The following SCN2A variants were observed in gnomAD, a reference collection of about 807,000 sequenced individuals.
SCN2A encodes the protein sodium channel protein type 2 subunit alpha.
A neutral mutation model predicts 188.7 loss-of-function variants in SCN2A; 20 were observed. The observed-to-expected ratio is 0.11, with a 90% CI of 0.07 to 0.15. SCN2A has a LOEUF of 0.15. Among genes scored for constraint, SCN2A ranks in the 10% least tolerant of loss-of-function variants. SCN2A has a pLI of 1.00. For synonymous variants in SCN2A, 804 were observed against 833.1 expected (o/e 0.97, Z 0.60); for missense variants, 1,278 against 2,445.0 (o/e 0.52, Z 10.07).
chr2:165,296,742 T>A, intron 2 of SCN2A: 1 of 225,104 alleles, frequency 4.4e-6, no homozygotes, highest in Non-Finnish European at 8.7e-6. Context: ...AATGCGGTTT[T>A]AAAATACTTA....
intron 11 of SCN2A, chr2:165,320,273 C>T (rs1425517643): frequency 6.6e-6 from 1 of 152,292 alleles, no homozygotes; most frequent in Non-Finnish European, 1.5e-5. Context: ...TTCCCTTGGT[C>T]TTCAGCAGCT....
At chr2:165,301,743 T>A (rs768417218) in intron 3 of SCN2A, among the ~76,000 whole-genome samples, 1 of 152,182 alleles carries the variant, frequency 6.6e-6, no homozygotes, top group African/African-American at 2.4e-5. Flanking sequence ...CCTTAAGGAA[T>A]TGCACAAAGA....
intron 8 of SCN2A, among the ~76,000 whole-genome samples, chr2:165,313,016 A>G (rs1415193905): frequency 1.3e-5 from 2 of 152,026 alleles, no homozygotes; most frequent in East Asian, 1.9e-4. Context: ...ATCTTCTTCA[A>G]TGTTTGCAAA....
chr2:165,346,615 T>C (rs1699601480), intron 16 of SCN2A, among the ~76,000 whole-genome samples: 1 of 152,140 alleles, frequency 6.6e-6, no homozygotes, highest in Admixed American at 6.5e-5. Flanking sequence ...TGGGATCTAA[T>C]TAAACTAAAG....
At chr2:165,293,362 T>G (rs1696318444) in intron 1 of SCN2A, among the ~76,000 whole-genome samples, 1 of 152,186 alleles carries the variant, frequency 6.6e-6, no homozygotes, top group East Asian at 1.9e-4. Flanking sequence ...TTAGGTGATT[T>G]TTGTCATTGT....
chr2:165,339,063 T>G (rs150115287), intron 14 of SCN2A, among the ~76,000 whole-genome samples: 1 of 151,672 alleles, frequency 6.6e-6, no homozygotes, highest in Non-Finnish European at 1.5e-5. Flanking sequence ...GTACTAAAAA[T>G]AGAAAAAATT....
At chr2:165,329,754 T>G (rs1434713371) in intron 13 of SCN2A, among the ~76,000 whole-genome samples, 1 of 152,166 alleles carries the variant, frequency 6.6e-6, no homozygotes, top group Non-Finnish European at 1.5e-5. Context: ...TAATACCTCC[T>G]TTTTACCTTC....
chr2:165,315,377 A>T (rs1377106775), intron 10 of SCN2A, 94 bp from the exon 11 acceptor site: 3 of 1,568,098 alleles, frequency 1.9e-6, no homozygotes, highest in Non-Finnish European at 2.6e-6. Context: ...GTTTTTCAAG[A>T]TTATCTTCAT....
rs574025723 is a variant in SCN2A at position 165,249,857 on chromosome 2, A to C, written c.-52+10217A>C. 2.5e-4 allele frequency among the ~76,000 whole-genome samples: 38 copies of C among 152,186 alleles called. No homozygotes were observed. The South Asian group carries it at 6.8e-3, about 27-fold the overall frequency. On this transcript the variant is annotated intron_variant, in intron 1 of 26. Coordinates refer to ENST00000375437, the MANE Select transcript of SCN2A (RefSeq NM_001040142.2). ...TGATAAAATTGATCACTTTCCACAT[A>C]ATCATATACTGAAAAAAAATTCCAC...
At chr2:165,285,702 T>C in intron 1 of SCN2A, 1 of 227,072 alleles carries the variant, frequency 4.4e-6, no homozygotes, top group South Asian at 8.3e-5. Context: ...ACCTCTCAGC[T>C]CTAGCAATCC....
chr2:165,330,065 G>A lies in SCN2A; in HGVS notation c.2150-1265G>A, dbSNP rs530997098. Among the ~76,000 whole-genome samples, 3 of 152,316 alleles carry A rather than the reference G, an allele frequency of 2.0e-5. No individual in the cohort carries two copies. In the East Asian group the frequency reaches 5.8e-4, roughly 29 times the overall value. On this transcript the variant is annotated intron_variant, in intron 13 of 26. Coordinates refer to ENST00000375437, the MANE Select transcript of SCN2A (RefSeq NM_001040142.2). ...ATTAGTAGAAGAAACATTATCATCTGTGGTTGTGATTGTCCTTTTATATGC... is the reference window on the plus strand; with the variant it reads ...ATTAGTAGAAGAAACATTATCATCTATGGTTGTGATTGTCCTTTTATATGC...
At chr2:165,322,585 T>TGAA (rs1293572173) in intron 11 of SCN2A, among the ~76,000 whole-genome samples, 2 of 152,196 alleles carry the variant, frequency 1.3e-5, no homozygotes, top group Non-Finnish European at 2.9e-5. Context: ...AATTTATTCA[T>TGAA]GAAGACCATC....
At chr2:165,355,520 T>G (rs893520483) in intron 17 of SCN2A, among the ~76,000 whole-genome samples, 1 of 152,092 alleles carries the variant, frequency 6.6e-6, no homozygotes, top group African/African-American at 2.4e-5. Context: ...GAAGACAAGA[T>G]TTCCAGTAAT....
chr2:165,286,619 AC>A (rs1695845002), intron 1 of SCN2A, among the ~76,000 whole-genome samples: 1 of 152,148 alleles, frequency 6.6e-6, no homozygotes, highest in Non-Finnish European at 1.5e-5. Context: ...ACAGGCCTAG[AC>A]TTTGGCCCCA....
At chr2:165,349,823 C>T (rs1699794617) in intron 16 of SCN2A, among the ~76,000 whole-genome samples, 1 of 152,130 alleles carries the variant, frequency 6.6e-6, no homozygotes, top group African/African-American at 2.4e-5. Flanking sequence ...ATAACATTTG[C>T]TTAAGACTGA....
chr2:165,248,772 A>C (rs1428555364), intron 1 of SCN2A, among the ~76,000 whole-genome samples: 4 of 152,142 alleles, frequency 2.6e-5, no homozygotes, highest in Non-Finnish European at 5.9e-5. Flanking sequence ...TGTTTCACAA[A>C]TGCTTAGAAC....
At chr2:165,347,216 G>A (rs1292660598) in intron 16 of SCN2A, among the ~76,000 whole-genome samples, 2 of 152,138 alleles carry the variant, frequency 1.3e-5, no homozygotes, top group East Asian at 3.9e-4. Flanking sequence ...TGATAGACTG[G>A]ATAAAGAAAA....
At chr2:165,295,221 C>G (rs1341711561) in intron 1 of SCN2A, among the ~76,000 whole-genome samples, 1 of 152,148 alleles carries the variant, frequency 6.6e-6, no homozygotes, top group Admixed American at 6.5e-5. Context: ...GTTTCCATAG[C>G]CTGGCATTTT....
chr2:165,387,607 T>C (rs1223135675), intron 26 of SCN2A, among the ~76,000 whole-genome samples: 1 of 152,112 alleles, frequency 6.6e-6, no homozygotes, highest in Non-Finnish European at 1.5e-5. Context: ...TTAGGATACA[T>C]ACATACATTA....
Sources: allele counts gnomAD v4.1 joint callset (sites outside exome capture counted in the v4.1 genomes callset), GRCh38; gene constraint gnomAD v4.1.1; transcripts MANE v1.5; gene names NCBI Gene and HGNC (gene_info 2026-07-23, HGNC 2026-07-21).